Variants in PLAGL2 observed in about 807,000 individuals in gnomAD.
The protein encoded by PLAGL2 is zinc finger protein PLAGL2.
Under a neutral mutation model 29.0 loss-of-function variants are expected in PLAGL2, and 7 were observed. That is an observed-to-expected ratio of 0.24 (90% CI 0.14 to 0.45). PLAGL2 has a LOEUF of 0.45. PLAGL2 is among the 20% of genes least tolerant of loss of function. The pLI, the probability that PLAGL2 is intolerant of heterozygous loss-of-function variation, is 0.99. For synonymous variants in PLAGL2, 234 were observed against 266.0 expected (o/e 0.88, Z 1.17); for missense variants, 454 against 648.2 (o/e 0.70, Z 3.25).
At position 32,196,822 on chromosome 20, in the gene PLAGL2, G is replaced by C; in HGVS notation, c.1121C>G (p.Ser374Cys). Residue 374 changes from serine (S) to cysteine (C), a missense_variant, in exon 3 of 3, where the codon TCC (serine) becomes TGC (cysteine). Transcript: ENST00000246229. ...AGGTGAGGCGGGCTGGGGTTCAGCG[G>C]ATGAGAGAGACAGGCTTCCAGGAAG... ...AELPGSLSLS[S>C]AEPQPASPQP... The C allele has an allele frequency of 6.2e-7, 1 of 1,613,824 alleles. No individual in the cohort carries two copies. Among genetic ancestry groups the C allele is most frequent in the South Asian group, 1.1e-5 (1 of 91,066 alleles).
At chr20:32,202,381 C>T in intron 1 of PLAGL2, 89 bp from the exon 2 acceptor site, 1 of 589,058 alleles carries the variant, frequency 1.7e-6, no homozygotes, top group East Asian at 2.8e-5. Context: ...CAATCCCAGC[C>T]CTTCCACTTA....
At position 32,197,504 on chromosome 20, in the gene PLAGL2, C is replaced by T. The variant is rs2047236658; in HGVS notation, c.439G>A (p.Ala147Thr). Residue 147 changes from alanine to threonine, a missense_variant, in exon 3 of 3, where the codon GCC becomes ACC. Around this residue, in one of 4 missense-constraint regions of PLAGL2, gnomAD observed 111 missense variants for 173.1 expected, o/e 0.64. Transcript: ENST00000246229. The surrounding 1 kb of genome is among the most constrained non-coding windows in gnomAD (Gnocchi z 6.6). ...NTKLGYRRHLAMHAASSGDLS... is the reference protein window; with the variant it reads ...NTKLGYRRHLTMHAASSGDLS... ...TCACCGCTGCTGGCAGCATGCATGG[C>T]CAGGTGGCGCCGGTAGCCCAGCTTC... 10 of 1,613,898 alleles carry T rather than the reference C, an allele frequency of 6.2e-6. No individual in the cohort carries two copies. The highest frequency in any genetic ancestry group is 7.6e-6 in the Non-Finnish European group (9 of 1,180,044).
chr20:32,205,191 C>T (rs1381996840), intron 1 of PLAGL2, among the ~76,000 whole-genome samples: 1 of 152,218 alleles, frequency 6.6e-6, no homozygotes, highest in African/African-American at 2.4e-5. Flanking sequence ...TCTCTGAGGT[C>T]TCGGCTGTGT....
At chr20:32,199,044 A>G (rs1321925709) in intron 2 of PLAGL2, among the ~76,000 whole-genome samples, 1 of 152,212 alleles carries the variant, frequency 6.6e-6, no homozygotes, top group Admixed American at 6.5e-5. Context: ...GAATCAACTC[A>G]GCACCCACTG....
At position 32,196,380 on chromosome 20, in the gene PLAGL2, G is replaced by T. The variant is rs574848750; in HGVS notation, c.*72C>A. ...CTCTGAAAGCTCAGCTGCCTTCATG[G>T]GGGACACAGACGGGGTGGGTACTAA... is the stretch of plus-strand genomic sequence containing the variant. On this transcript the variant is annotated 3_prime_UTR_variant, in exon 3 of 3. Coordinates refer to ENST00000246229, the MANE Select transcript of PLAGL2 (RefSeq NM_002657.3). The T allele has an allele frequency of 8.6e-7, 1 of 1,166,532 alleles. No individual in the cohort carries two copies. The highest frequency in any genetic ancestry group is 1.6e-5 in the African/African-American group (1 of 63,534). 72.3% of individuals were successfully genotyped at this position (1,166,532 alleles called of 1,614,324 possible).
rs1449026124 is a variant in PLAGL2 at position 32,194,289 on chromosome 20, AC to A, written c.*2162del. 5 of 152,242 alleles carry A rather than the reference AC, an allele frequency of 3.3e-5. No individual in the cohort carries two copies. Among genetic ancestry groups the A allele is most frequent in the Non-Finnish European group, 7.3e-5 (5 of 68,042 alleles). The allele number at this position is 152,242 out of a possible 1,614,324, so 9.4% of individuals were successfully genotyped here. Reference sequence around the variant, plus strand: ...AAGAGGATGGCAACAGCGAGTCCCAACTGGATTCTCACATACCATCACCTAT... The same window carrying A: ...AAGAGGATGGCAACAGCGAGTCCCAATGGATTCTCACATACCATCACCTAT... On this transcript the variant is annotated 3_prime_UTR_variant, in exon 3 of 3. Coordinates refer to ENST00000246229, the MANE Select transcript of PLAGL2 (RefSeq NM_002657.3).
chr20:32,196,474 C>G lies in PLAGL2; in HGVS notation c.1469G>C (p.Arg490Pro). The G allele has an allele frequency of 6.8e-7, 1 of 1,481,300 alleles. No individual in the cohort carries two copies. Among genetic ancestry groups the G allele is most frequent in the Non-Finnish European group, 9.0e-7 (1 of 1,116,004 alleles). 91.8% of individuals were successfully genotyped at this position (1,481,300 alleles called of 1,614,324 possible). A position where few individuals can be genotyped will look rare whatever the true frequency, so the allele number is the denominator to read the frequency against. Reference protein sequence around the residue: ...TSGLSSTTLPRFHQAFQ With the variant: ...TSGLSSTTLPPFHQAFQ ...GGGCTACTGGAATGCTTGATGGAAA[C>G]GAGGCAGGGTGGTGCTACTCAGGCC... Residue 490 changes from arginine to proline, a missense_variant, in exon 3 of 3, where the codon CGT becomes CCT. Physicochemically the swap from Arg to Pro is moderately radical, Grantham distance 103. This residue lies in a region of PLAGL2 where 247 missense variants were observed against 350.3 expected (regional missense o/e 0.71). Coordinates refer to ENST00000246229, the MANE Select transcript of PLAGL2 (RefSeq NM_002657.3).
At chr20:32,202,313 G>A in intron 1 of PLAGL2, 21 bp from the exon 2 acceptor site, 2 of 815,596 alleles carry the variant, frequency 2.5e-6, no homozygotes, top group Non-Finnish European at 3.9e-6. Context: ...AGAACACCTG[G>A]TGTTAGGGAG....
rs1022673000 is a variant in PLAGL2 at position 32,195,476 on chromosome 20, A to G, written c.*976T>C. 3.3e-5 allele frequency: 5 copies of G among 152,652 alleles called. No homozygotes were observed. The highest frequency in any genetic ancestry group is 5.9e-5 in the Non-Finnish European group (4 of 68,070). The allele number at this position is 152,652 out of a possible 1,614,324, so 9.5% of individuals were successfully genotyped here. ...TTTCTTCCCCTCTCCAGTTCAAGAGAAGGATGAGGGGGTCATAATGTACTT... is the reference window on the plus strand; with the variant it reads ...TTTCTTCCCCTCTCCAGTTCAAGAGGAGGATGAGGGGGTCATAATGTACTT... On this transcript the variant is annotated 3_prime_UTR_variant, in exon 3 of 3. Coordinates refer to ENST00000246229, the MANE Select transcript of PLAGL2 (RefSeq NM_002657.3).
Position 32,194,831 on chromosome 20 carries a change from G to C in PLAGL2, c.*1621C>G, listed in dbSNP as rs1483135953. ...GAGTTAACAGTAAAGAGGTAGAAGT[G>C]TGTTTCTGAATCAGAGTGGAAGCGT... On this transcript the variant is annotated 3_prime_UTR_variant, in exon 3 of 3. Transcript: ENST00000246229. 1 of 152,616 alleles carries C rather than the reference G, an allele frequency of 6.6e-6. No homozygotes were observed. Among genetic ancestry groups the C allele is most frequent in the African/African-American group, 2.4e-5 (1 of 41,440 alleles). 9.5% of individuals were successfully genotyped at this position (152,616 alleles called of 1,614,324 possible).
Position 32,197,442 on chromosome 20 carries a change from A to G in PLAGL2, c.501T>C (p.Ser167=), listed in dbSNP as rs371516523. The G allele has an allele frequency of 2.4e-4, 382 of 1,612,446 alleles. 1 individual carries two copies. Among genetic ancestry groups the G allele is most frequent in the Non-Finnish European group, 3.1e-4 (368 of 1,179,970 alleles). Residue 167 remains serine (S), a synonymous_variant, in exon 3 of 3, where the codon AGT becomes AGC. Transcript: ENST00000246229. The surrounding 1 kb of genome is among the most constrained non-coding windows in gnomAD (Gnocchi z 6.6). ...TCAGGTGCTCTAGCAGGGCCTGGGT[A>G]CTCTCAAAGGTCTGCAGGCACACCT... is the stretch of plus-strand genomic sequence containing the variant. ...SCKVCLQTFE[S]TQALLEHLKA... is the part of the protein sequence containing the mutation.
Position 32,201,969 on chromosome 20 carries a change from G to A in PLAGL2, c.210C>T (p.Cys70=), listed in dbSNP as rs896609100. 4 of 1,613,714 alleles carry A rather than the reference G, an allele frequency of 2.5e-6. No homozygotes were observed. The highest frequency in any genetic ancestry group is 2.5e-6 in the Non-Finnish European group (3 of 1,179,672). Residue 70 remains cysteine, a synonymous_variant, in exon 2 of 3, where the codon TGC becomes TGT. Coordinates refer to ENST00000246229, the MANE Select transcript of PLAGL2 (RefSeq NM_002657.3). The part of the protein sequence containing the change: ...LPQPEQRPYS[C]PQLHCGKAFA... ...AAGCCTTGCCACAGTGCAGCTGAGGGCAGCTATATGGTCTCTGCTCTGGTT... is the reference window on the plus strand; with the variant it reads ...AAGCCTTGCCACAGTGCAGCTGAGGACAGCTATATGGTCTCTGCTCTGGTT...
At position 32,196,526 on chromosome 20, in the gene PLAGL2, G is replaced by A. The variant is rs775583780; in HGVS notation, c.1417C>T (p.His473Tyr). 4 of 1,531,820 alleles carry A rather than the reference G, an allele frequency of 2.6e-6. No homozygotes were observed. Among genetic ancestry groups the A allele is most frequent in the Non-Finnish European group, 2.6e-6 (3 of 1,144,370 alleles). 94.9% of individuals were successfully genotyped at this position (1,531,820 alleles called of 1,614,324 possible). ...AGGPLNFGPL[H>Y]SLPPVFTSGL... ...GACGTGAAGACAGGAGGCAAGGAGT[G>A]CAGAGGCCCAAAGTTCAGTGGTCCC... The change falls in exon 3 of 3, where the codon CAC (histidine) becomes TAC (tyrosine). Residue 473 changes from histidine (H) to tyrosine (Y), a missense_variant. Transcript: ENST00000246229.
intron 1 of PLAGL2, among the ~76,000 whole-genome samples, chr20:32,203,561 CT>C (rs768696120): frequency 6.6e-6 from 1 of 152,204 alleles, no homozygotes; most frequent in Non-Finnish European, 1.5e-5. Context: ...GATCATGAGG[CT>C]TTTCCATGTG....
chr20:32,201,894 G>A (rs1482064134), intron 2 of PLAGL2, 25 bp downstream of exon 2: 1 of 1,596,840 alleles, frequency 6.3e-7, no homozygotes, highest in East Asian at 2.2e-5. Context: ...CTCAGGGCAG[G>A]AAGAGATATG....
chr20:32,196,267 G>A lies in PLAGL2; in HGVS notation c.*185C>T. 7.3e-6 allele frequency: 3 copies of A among 408,708 alleles called. No homozygotes were observed. The highest frequency in any genetic ancestry group is 1.3e-5 in the Non-Finnish European group (3 of 231,448). The allele number at this position is 408,708 out of a possible 1,614,324, so 25.3% of individuals were successfully genotyped here. A position where few individuals can be genotyped will look rare whatever the true frequency, so the allele number is the denominator to read the frequency against. On this transcript the variant is annotated 3_prime_UTR_variant, in exon 3 of 3. Transcript: ENST00000246229. ...ATCTTTTCACGGGGTTGGGGCTCAA[G>A]GCTCCTTCTGGAATCGATCCTAGAG...
chr20:32,196,920 T>C lies in PLAGL2; in HGVS notation c.1023A>G (p.Lys341=). ...PISSPAQLPP[K]YQLGSTSYLP... ...AGTATGAGGTAGATCCAAGCTGGTA[T>C]TTTGGAGGGAGCTGAGCTGGGGAAG... The change falls in exon 3 of 3, where the codon AAA becomes AAG. Residue 341 remains lysine (K), a synonymous_variant. Coordinates refer to ENST00000246229, the MANE Select transcript of PLAGL2 (RefSeq NM_002657.3). 1.2e-6 allele frequency: 2 copies of C among 1,614,046 alleles called. No individual in the cohort carries two copies. The highest frequency in any genetic ancestry group is 1.7e-6 in the Non-Finnish European group (2 of 1,179,904).
At chr20:32,203,695 CCATT>C (rs1420281198) in intron 1 of PLAGL2, among the ~76,000 whole-genome samples, 1 of 152,214 alleles carries the variant, frequency 6.6e-6, no homozygotes, top group East Asian at 1.9e-4. Context: ...CTTACAGTGA[CCATT>C]CATCCAACAG....
At position 32,195,849 on chromosome 20, in the gene PLAGL2, GGT is replaced by G. The variant is rs1413274346; in HGVS notation, c.*601_*602del. The G allele has an allele frequency of 2.0e-5, 3 of 152,740 alleles. No homozygotes were observed. 9.5% of individuals were successfully genotyped at this position (152,740 alleles called of 1,614,324 possible). A position where few individuals can be genotyped will look rare whatever the true frequency, so the allele number is the denominator to read the frequency against. On this transcript the variant is annotated 3_prime_UTR_variant, in exon 3 of 3. Transcript: ENST00000246229. ...AACAGCTTGGCAAGGGAGGTGAAAT[GGT>G]GTGTCTGAGGTGACTGTGTAAACGG...
Sources: gnomAD v4.1 joint callset for allele counts (sites outside exome capture counted in the v4.1 genomes callset) on GRCh38, gnomAD v4.1.1 for gene constraint, gnomAD v4.1.1 regional missense constraint, Gnocchi (gnomAD v3.1) non-coding constraint, MANE v1.5 for transcripts, NCBI Gene and HGNC (gene_info 2026-07-23, HGNC 2026-07-21) for gene names.